Variants in NRG3 observed in about 807,000 individuals in gnomAD.
NRG3 encodes neuregulin 3.
Under a neutral mutation model 66.9 loss-of-function variants are expected in NRG3, and 31 were observed. The ratio of observed to expected loss-of-function variants is 0.46; its 90% CI spans 0.35 to 0.63. NRG3 has a LOEUF of 0.63. NRG3 is among the 20% of genes least tolerant of loss of function. NRG3 has a pLI of 0.00. For missense variants in NRG3, 910 were observed against 878.9 expected, an observed-to-expected ratio of 1.04 and a Z score of -0.45; for synonymous variants, 393 against 359.4, an observed-to-expected ratio of 1.09 and a Z score of -1.06.
chr10:81,956,913 T>C (rs146110337), intron 1 of NRG3, among the ~76,000 whole-genome samples: 128 of 152,254 alleles, frequency 8.4e-4, no homozygotes, highest in African/African-American at 2.8e-3. Flanking sequence ...CAAGCCACAC[T>C]AGACTCTTAC....
chr10:82,621,866 C>T (rs1718105956), intron 2 of NRG3, among the ~76,000 whole-genome samples: 1 of 152,238 alleles, frequency 6.6e-6, no homozygotes, highest in Non-Finnish European at 1.5e-5. Flanking sequence ...TCTCAAGTGT[C>T]TGTCTTGTTT....
At chr10:81,904,659 G>A (rs1234994046) in intron 1 of NRG3, among the ~76,000 whole-genome samples, 6 of 152,032 alleles carry the variant, frequency 3.9e-5, no homozygotes, top group Non-Finnish European at 5.9e-5. Context: ...TTTTCACTGG[G>A]CCTTTTCATT....
intron 1 of NRG3, among the ~76,000 whole-genome samples, chr10:82,179,690 T>A (rs1422669727): frequency 6.6e-6 from 1 of 151,950 alleles, no homozygotes; most frequent in Non-Finnish European, 1.5e-5. Flanking sequence ...GACTCTGACA[T>A]TCCTCTTCTT....
chr10:81,978,455 C>G (rs1364779205), intron 1 of NRG3, among the ~76,000 whole-genome samples: 1 of 152,056 alleles, frequency 6.6e-6, no homozygotes, highest in Admixed American at 6.6e-5. Context: ...TCAAGATAGC[C>G]AAGAGGTTAA....
At chr10:82,772,426 T>G (rs2059746799) in intron 3 of NRG3, among the ~76,000 whole-genome samples, 1 of 152,142 alleles carries the variant, frequency 6.6e-6, no homozygotes, top group Non-Finnish European at 1.5e-5. Context: ...CTAGACTTGC[T>G]TAATCCTATA....
chr10:82,829,771 ATAATT>A (rs1343545129), intron 3 of NRG3, among the ~76,000 whole-genome samples: 3 of 152,202 alleles, frequency 2.0e-5, no homozygotes, highest in Non-Finnish European at 2.9e-5. Context: ...AACAGAGACT[ATAATT>A]TAAAAGCTTG....
intron 2 of NRG3, among the ~76,000 whole-genome samples, chr10:82,430,691 T>C (rs1048433446): frequency 1.3e-5 from 2 of 152,240 alleles, no homozygotes; most frequent in Admixed American, 6.5e-5. Context: ...TTTTAGTTTC[T>C]TTCATGGACT....
At chr10:82,042,586 A>T (rs2063095171) in intron 1 of NRG3, among the ~76,000 whole-genome samples, 1 of 152,056 alleles carries the variant, frequency 6.6e-6, no homozygotes, top group South Asian at 2.1e-4. Context: ...AAGACAAAGT[A>T]TTTACAGTTA....
chr10:82,660,177 C>T (rs1780372102), intron 2 of NRG3, among the ~76,000 whole-genome samples: 1 of 68,788 alleles, frequency 1.5e-5, no homozygotes, highest in Admixed American at 2.4e-4. Flanking sequence ...GTGTGGGCGA[C>T]AAGAGCAAAA....
At chr10:81,879,548 A>G (rs1323639963) in intron 1 of NRG3, among the ~76,000 whole-genome samples, 2 of 152,204 alleles carry the variant, frequency 1.3e-5, no homozygotes, top group African/African-American at 4.8e-5. Flanking sequence ...ACTAAAGACA[A>G]AGAGCCTCTT....
intron 1 of NRG3, among the ~76,000 whole-genome samples, chr10:82,111,044 C>T (rs1285026678): frequency 1.3e-5 from 2 of 152,082 alleles, no homozygotes; most frequent in African/African-American, 4.8e-5. Flanking sequence ...TTTTCTGTTG[C>T]CTGTAAGAAA....
At chr10:82,752,083 T>C (rs537450959) in intron 3 of NRG3, among the ~76,000 whole-genome samples, 40 of 152,298 alleles carry the variant, frequency 2.6e-4, no homozygotes, top group African/African-American at 9.4e-4. Context: ...CTAGCTCCCA[T>C]TTTAAATGTG....
At chr10:82,876,916 G>T (rs1448311079) in intron 4 of NRG3, among the ~76,000 whole-genome samples, 1 of 151,858 alleles carries the variant, frequency 6.6e-6, no homozygotes, top group African/African-American at 2.4e-5. Context: ...CCAGCTACTT[G>T]GGAGGCTGCG....
At chr10:82,521,371 C>G (rs1324876645) in intron 2 of NRG3, among the ~76,000 whole-genome samples, 2 of 151,928 alleles carry the variant, frequency 1.3e-5, no homozygotes, top group Non-Finnish European at 2.9e-5. Context: ...GAGACAGTCT[C>G]GCACTGTCGC....
intron 2 of NRG3, among the ~76,000 whole-genome samples, chr10:82,369,514 G>A (rs2084751767): frequency 7.3e-6 from 1 of 137,504 alleles, no homozygotes; most frequent in South Asian, 2.2e-4. Context: ...GGCCCAGGCT[G>A]GTCACAAACT....
chr10:82,211,430 T>C (rs983372319), intron 1 of NRG3, among the ~76,000 whole-genome samples: 8 of 152,174 alleles, frequency 5.3e-5, no homozygotes, highest in Non-Finnish European at 7.3e-5. Context: ...CTTCCTCCTC[T>C]TCTTTCATTT....
At chr10:82,062,195 G>A (rs1048904655) in intron 1 of NRG3, among the ~76,000 whole-genome samples, 1 of 152,100 alleles carries the variant, frequency 6.6e-6, no homozygotes. Flanking sequence ...GAGGCCCAAG[G>A]TCCCTGAGAG....
At chr10:82,123,974 A>G (rs1649939) in intron 1 of NRG3, among the ~76,000 whole-genome samples, 79,050 of 151,618 alleles carry the variant, frequency 0.52, 22,723 homozygotes, top group Non-Finnish European at 0.66. Flanking sequence ...CACCCCCTTC[A>G]ATGAGATGCA....
chr10:82,142,026 T>C (rs987721074), intron 1 of NRG3, among the ~76,000 whole-genome samples: 1 of 152,202 alleles, frequency 6.6e-6, no homozygotes, highest in Non-Finnish European at 1.5e-5. Context: ...AAAAGCACCC[T>C]GTCAGACCCC....
Sources: allele counts gnomAD v4.1 joint callset (sites outside exome capture counted in the v4.1 genomes callset), GRCh38; gene constraint gnomAD v4.1.1; transcripts MANE v1.5; gene names NCBI Gene and HGNC (gene_info 2026-07-23, HGNC 2026-07-21).